PCDHA5: variants seen among roughly 807,000 people sequenced by gnomAD.
PCDHA5 encodes protocadherin alpha 5.
Under a neutral mutation model 61.6 loss-of-function variants are expected in PCDHA5, and 43 were observed. The ratio of observed to expected loss-of-function variants is 0.70; its 90% CI spans 0.55 to 0.90. PCDHA5 has a LOEUF of 0.90. PCDHA5 is among the 40% of genes least tolerant of loss of function. PCDHA5 has a pLI of 0.00. For missense variants in PCDHA5, 1,298 were observed against 1,222.7 expected, an observed-to-expected ratio of 1.06 and a Z score of -0.92; for synonymous variants, 627 against 543.9, an observed-to-expected ratio of 1.15 and a Z score of -2.13.
rs2150124417 is a variant in PCDHA5, at chr5:140,823,299, G to C, written c.1524G>C (p.Ser508=). The C allele has an allele frequency of 6.8e-6, 11 of 1,612,248 alleles. No homozygotes were observed. The highest frequency in any genetic ancestry group is 2.0e-4 in the Middle Eastern group (1 of 5,108). Residue 508 remains serine (S), a synonymous_variant, in exon 1 of 4, where the codon TCG becomes TCC. Transcript: ENST00000529859. The stretch of plus-strand genomic sequence containing the variant: ...AGCGCCCGCTGTCGAGTTACGTTTC[G>C]GTGCACGCGGAGAGCGGCAAGGTGT... ...VGERPLSSYV[S]VHAESGKVYA... is the part of the protein sequence containing the mutation.
rs139859573 is a variant in PCDHA5, at chr5:140,940,130, A to G, written c.2353-38819A>G. ...TGTATTATTTACCTCTATTTCTGCT[A>G]GTGATAAACTATTATAGTTTTTGTT... On this transcript the variant is annotated intron_variant, in intron 1 of 3. Transcript: ENST00000529859. Among the ~76,000 whole-genome samples, 378 of 152,286 alleles carry G rather than the reference A, an allele frequency of 2.5e-3. 4 individuals carry two copies. Among genetic ancestry groups the G allele is most frequent in the Non-Finnish European group, 4.6e-3 (313 of 68,020 alleles).
rs371960819 is a variant in PCDHA5, at chr5:140,928,197, T to C, written c.2353-50752T>C. The C allele has an allele frequency of 1.9e-5, 30 of 1,614,192 alleles. 1 individual carries two copies. In the African/African-American group the frequency reaches 2.0e-4, roughly 11 times the overall value. On this transcript the variant is annotated intron_variant, in intron 1 of 3. Coordinates refer to ENST00000529859, the MANE Select transcript of PCDHA5 (RefSeq NM_018908.3). Reference sequence around the variant, plus strand: ...CCCGAAGGACAATCACTGTGTCAGTTGCTGATGTGAATGACAATACACCAA... The same window carrying C: ...CCCGAAGGACAATCACTGTGTCAGTCGCTGATGTGAATGACAATACACCAA...
intron 1 of PCDHA5, chr5:140,842,872 G>A (rs1554139490): frequency 4.4e-6 from 7 of 1,594,088 alleles, no homozygotes; most frequent in Middle Eastern, 2.1e-4. Context: ...GCGGCAAGGT[G>A]TACGCGCTGC....
chr5:140,873,098 T>C (rs1281569389), intron 1 of PCDHA5, among the ~76,000 whole-genome samples: 1 of 152,200 alleles, frequency 6.6e-6, no homozygotes, highest in Non-Finnish European at 1.5e-5. Flanking sequence ...TATAGAGGCA[T>C]AACATACCAT....
chr5:140,852,853 C>A, intron 1 of PCDHA5: 1 of 962,938 alleles, frequency 1.0e-6, no homozygotes, highest in Non-Finnish European at 1.3e-6. Context: ...ACTTACTAAG[C>A]ATTTACTATG....
chr5:140,841,274 C>T (rs1554138057), intron 1 of PCDHA5: 4 of 1,518,268 alleles, frequency 2.6e-6, no homozygotes. Context: ...TACAGTCGTT[C>T]ATCTTTATAT....
In PCDHA5 at chr5:140,852,432, C is replaced by A. The variant is rs185141585; in HGVS notation, c.2352+28305C>A. ...AGCTGGGATTATAGGCACATGCCAC[C>A]GCGCCCAGCTAATTTTTGTATTTTT... On this transcript the variant is annotated intron_variant, in intron 1 of 3. Transcript: ENST00000529859. 4.7e-3 allele frequency: 847 copies of A among 180,880 alleles called. 56 individuals are homozygous for A. Among genetic ancestry groups the A allele is most frequent in the South Asian group, 0.036 (183 of 5,090 alleles). 11.2% of individuals were successfully genotyped at this position (180,880 alleles called of 1,614,324 possible).
At chr5:140,886,288 A>G (rs1227734409) in intron 1 of PCDHA5, among the ~76,000 whole-genome samples, 4 of 151,870 alleles carry the variant, frequency 2.6e-5, no homozygotes, top group Middle Eastern at 3.2e-3. Flanking sequence ...AATTATTTTT[A>G]TATTTATTTA....
Position 140,822,947 on chromosome 5 carries a change from AC to A in PCDHA5, c.1173del (p.His391GlnfsTer34). On this transcript the variant is annotated frameshift_variant, in exon 1 of 4. Transcript: ENST00000529859. LOFTEE classifies it high-confidence loss of function. ...NGQVTCSLMP[H>X]VPFKLVSTFK... The stretch of plus-strand genomic sequence containing the variant: ...CAGGTGACCTGCTCCCTAATGCCCC[AC>A]GTTCCCTTCAAGCTGGTGTCCACCT... 20 of 1,614,242 alleles carry A rather than the reference AC, an allele frequency of 1.2e-5. No homozygotes were observed. The highest frequency in any genetic ancestry group is 1.7e-5 in the Non-Finnish European group (20 of 1,180,046).
chr5:140,927,008 TCTCCGCGGACTTGAGGCTGCCAG>T (rs782232084), intron 1 of PCDHA5: 1 of 1,612,514 alleles, frequency 6.2e-7, no homozygotes, highest in South Asian at 1.1e-5. Flanking sequence ...GTAGGCAATC[TCTCCGCGGACTTGAGGCTGCCAG>T]CGGCCGCTAT....
intron 1 of PCDHA5, chr5:140,858,432 G>A: frequency 6.5e-7 from 1 of 1,546,306 alleles, no homozygotes; most frequent in Admixed American, 1.9e-5. Flanking sequence ...GACCACTCTA[G>A]GAAGGTGGGT....
intron 1 of PCDHA5, among the ~76,000 whole-genome samples, chr5:140,954,068 G>A (rs1404063517): frequency 6.6e-6 from 1 of 152,174 alleles, no homozygotes; most frequent in South Asian, 2.1e-4. Context: ...TTATGCTGAG[G>A]ATAATGGCTT....
At chr5:140,929,555 C>A in intron 1 of PCDHA5, 1 of 485,752 alleles carries the variant, frequency 2.1e-6, no homozygotes, top group Non-Finnish European at 3.5e-6. Context: ...AAATTAAAAC[C>A]TATTTAAGAA....
chr5:140,834,368 A>C (rs2150215878), intron 1 of PCDHA5: 10 of 1,555,242 alleles, frequency 6.4e-6, no homozygotes, highest in African/African-American at 1.4e-5. Flanking sequence ...CTAGAAAAAC[A>C]AGCCAATAAT....
In PCDHA5 at chr5:140,842,865, G is replaced by C; in HGVS notation, c.2352+18738G>C. ...TACATTTCGGTGCACACGGAGAGCG[G>C]CAAGGTGTACGCGCTGCAGCCGCTG... is the stretch of plus-strand genomic sequence containing the variant. On this transcript the variant is annotated intron_variant, in intron 1 of 3. Transcript: ENST00000529859. 6.3e-6 allele frequency: 10 copies of C among 1,593,986 alleles called. 1 individual carries two copies. Among genetic ancestry groups the C allele is most frequent in the Middle Eastern group, 2.1e-4 (1 of 4,754 alleles).
At chr5:140,962,841 A>G (rs1298725922) in intron 1 of PCDHA5, among the ~76,000 whole-genome samples, 3 of 152,210 alleles carry the variant, frequency 2.0e-5, no homozygotes, top group African/African-American at 7.2e-5. Flanking sequence ...TTTTTATTAT[A>G]TAACTTGTGC....
At chr5:140,866,880 C>T (rs1270572722) in intron 1 of PCDHA5, 2 of 152,032 alleles carry the variant, frequency 1.3e-5, no homozygotes, top group Non-Finnish European at 2.9e-5. Context: ...TTGGTATTAG[C>T]CTATACCCAG....
chr5:140,843,462 C>G (rs2150360645), intron 1 of PCDHA5: 5 of 1,596,046 alleles, frequency 3.1e-6, no homozygotes, highest in Non-Finnish European at 3.4e-6. Flanking sequence ...CTGGTGCTCA[C>G]GCTGCTGCTG....
intron 1 of PCDHA5, among the ~76,000 whole-genome samples, chr5:140,925,094 G>A (rs1489905457): frequency 6.6e-6 from 1 of 151,188 alleles, no homozygotes; most frequent in Non-Finnish European, 1.5e-5. Flanking sequence ...AGGAAGGAAG[G>A]AAGGAAGGAA....
Sources: gnomAD v4.1 joint callset for allele counts (sites outside exome capture counted in the v4.1 genomes callset) on GRCh38, gnomAD v4.1.1 for gene constraint, MANE v1.5 for transcripts, NCBI Gene and HGNC (gene_info 2026-07-23, HGNC 2026-07-21) for gene names.